Variants in RARRES1 observed in about 807,000 individuals in gnomAD.
The protein encoded by RARRES1 is retinoic acid receptor responder 1.
A neutral mutation model predicts 30.6 loss-of-function variants in RARRES1; 34 were observed. That is an observed-to-expected ratio of 1.11 (90% CI 0.84 to 1.48). RARRES1 has a LOEUF of 1.48. Ranked by LOEUF, RARRES1 falls within the 40% of genes most tolerant of loss-of-function variation. The probability of loss-of-function intolerance (pLI) is 0.00; values close to 1 mark genes in which losing one functional copy is unlikely to be tolerated. For synonymous variants in RARRES1, 153 were observed against 155.5 expected (o/e 0.98, Z 0.12); for missense variants, 373 against 386.5 (o/e 0.97, Z 0.29).
Position 158,732,454 on chromosome 3 carries a change from G to A in RARRES1, c.-39C>T. ...TTGGCTCGGCACCCGACAGACACGG[G>A]CTCGGAGCGGGCAGTGCCGGCGCTC... On this transcript the variant is annotated 5_prime_UTR_variant, in exon 1 of 6. Coordinates refer to ENST00000237696, the MANE Select transcript of RARRES1 (RefSeq NM_206963.2). 3 of 1,517,204 alleles carry A rather than the reference G, an allele frequency of 2.0e-6. No individual in the cohort carries two copies. 94.0% of individuals were successfully genotyped at this position (1,517,204 alleles called of 1,614,324 possible). A position where few individuals can be genotyped will look rare whatever the true frequency, so the allele number is the denominator to read the frequency against.
intron 4 of RARRES1, among the ~76,000 whole-genome samples, chr3:158,702,615 A>G (rs1391914758): frequency 2.0e-5 from 3 of 152,292 alleles, no homozygotes; most frequent in Admixed American, 2.0e-4. Flanking sequence ...CATTTACTAC[A>G]ATTAGTTCTA....
At chr3:158,711,614 T>G (rs932854343) in intron 2 of RARRES1, among the ~76,000 whole-genome samples, 1 of 150,370 alleles carries the variant, frequency 6.7e-6, no homozygotes, top group Admixed American at 6.6e-5. Flanking sequence ...TTTTTTTTTT[T>G]TTTTTTTGAG....
chr3:158,705,045 G>C, intron 3 of RARRES1, 118 bp from the exon 4 acceptor site: 1 of 1,313,596 alleles, frequency 7.6e-7, no homozygotes, highest in Non-Finnish European at 1.0e-6. Context: ...CTCACAGCAA[G>C]ACCTTGAGCC....
rs538468597 is a variant in RARRES1 at position 158,723,336 on chromosome 3, G to C, written c.276+8804C>G. ...AAAGCAAACTTCGTCATTTTATAAG[G>C]TTACTTTTATGAGTCAGGCTTGGTT... On this transcript the variant is annotated intron_variant, in intron 1 of 5. Coordinates refer to ENST00000237696, the MANE Select transcript of RARRES1 (RefSeq NM_206963.2). The surrounding 1 kb of genome is among the most constrained non-coding windows in gnomAD (Gnocchi z 4.4). Among the ~76,000 whole-genome samples the C allele has an allele frequency of 2.6e-5, 4 of 152,262 alleles. No individual in the cohort carries two copies. The highest frequency in any genetic ancestry group is 9.6e-5 in the African/African-American group (4 of 41,534).
At position 158,697,587 on chromosome 3, in the gene RARRES1, G is replaced by T. The variant is rs1726586253; in HGVS notation, c.*91C>A. On this transcript the variant is annotated 3_prime_UTR_variant, in exon 6 of 6. Coordinates refer to ENST00000237696, the MANE Select transcript of RARRES1 (RefSeq NM_206963.2). ...AATCATAGGTTTTCCCAAATTATTA[G>T]AATGTCTATACCTTAGCTGTTTTAC... 6 of 1,307,354 alleles carry T rather than the reference G, an allele frequency of 4.6e-6. No homozygotes were observed. Among genetic ancestry groups the T allele is most frequent in the Non-Finnish European group, 4.2e-6 (4 of 951,728 alleles). 81.0% of individuals were successfully genotyped at this position (1,307,354 alleles called of 1,614,324 possible). A position where few individuals can be genotyped will look rare whatever the true frequency, so the allele number is the denominator to read the frequency against.
chr3:158,730,341 AAGAC>A (rs1385808826), intron 1 of RARRES1, among the ~76,000 whole-genome samples: 12 of 143,506 alleles, frequency 8.4e-5, no homozygotes, highest in Admixed American at 5.5e-4. Context: ...AAAAAAAACA[AAGAC>A]AGGTGACAAG....
chr3:158,705,868 C>T (rs1224447272), intron 3 of RARRES1, among the ~76,000 whole-genome samples: 3 of 152,132 alleles, frequency 2.0e-5, no homozygotes, highest in African/African-American at 7.2e-5. Flanking sequence ...TGGCAAACAT[C>T]TTTCTTAAAA....
intron 2 of RARRES1, 47 bp from the exon 3 acceptor site, chr3:158,710,980 G>C: frequency 6.7e-7 from 1 of 1,491,798 alleles, no homozygotes; most frequent in South Asian, 1.1e-5. Context: ...TCACCCCAGT[G>C]CACACAAGCA....
intron 1 of RARRES1, among the ~76,000 whole-genome samples, chr3:158,722,086 CAA>C (rs571829700): frequency 2.5e-4 from 17 of 68,738 alleles, no homozygotes; most frequent in South Asian, 1.3e-3. Flanking sequence ...GAATGAAACT[CAA>C]AAAAAAAAAA....
Position 158,732,189 on chromosome 3 carries a change from G to A in RARRES1, c.227C>T (p.Ser76Leu), listed in dbSNP as rs938022263. ...GGCCAGCACTCGTAGCGCGCTGGGC[G>A]AGCCGGACCGGAAGTTGAAGAAGTG... Reference protein sequence around the residue: ...ALHFFNFRSGSPSALRVLAEV... With the variant: ...ALHFFNFRSGLPSALRVLAEV... Residue 76 changes from serine to leucine, a missense_variant, in exon 1 of 6, where the codon TCG (serine) becomes TTG (leucine). Physicochemically the swap from Ser to Leu is moderately radical, Grantham distance 145. Transcript: ENST00000237696. 1.4e-6 allele frequency: 2 copies of A among 1,422,108 alleles called. No homozygotes were observed. The highest frequency in any genetic ancestry group is 2.9e-5 in the Admixed American group (1 of 34,274). 88.1% of individuals were successfully genotyped at this position (1,422,108 alleles called of 1,614,324 possible). A position where few individuals can be genotyped will look rare whatever the true frequency, so the allele number is the denominator to read the frequency against.
In RARRES1 at chr3:158,713,973, A is replaced by G. The variant is rs181359521; in HGVS notation, c.277-114T>C. On this transcript the variant is annotated intron_variant, in intron 1 of 5. Coordinates refer to ENST00000237696, the MANE Select transcript of RARRES1 (RefSeq NM_206963.2). Reference sequence around the variant, plus strand: ...TGCAAATGGTGGCTGTAGCATTTATACCTGAATAAAATTGGTGATGGCTTA... The same window carrying G: ...TGCAAATGGTGGCTGTAGCATTTATGCCTGAATAAAATTGGTGATGGCTTA... 117 of 943,488 alleles carry G rather than the reference A, an allele frequency of 1.2e-4. No homozygotes were observed. The African/African-American group carries it at 1.9e-3, about 15-fold the overall frequency. 58.4% of individuals were successfully genotyped at this position (943,488 alleles called of 1,614,324 possible). A position where few individuals can be genotyped will look rare whatever the true frequency, so the allele number is the denominator to read the frequency against.
In RARRES1 at chr3:158,713,323, G is replaced by T. The variant is rs192205250; in HGVS notation, c.339+474C>A. 4.2e-3 allele frequency among the ~76,000 whole-genome samples: 641 copies of T among 152,300 alleles called. 3 individuals are homozygous for T. The highest frequency in any genetic ancestry group is 0.015 in the African/African-American group (610 of 41,564). On this transcript the variant is annotated intron_variant, in intron 2 of 5. Coordinates refer to ENST00000237696, the MANE Select transcript of RARRES1 (RefSeq NM_206963.2). ...CATGGTCCGCTTGGTCAAAGCTGTAGTGAGGCTGATAACGGCTGGAGCACG... is the reference window on the plus strand; with the variant it reads ...CATGGTCCGCTTGGTCAAAGCTGTATTGAGGCTGATAACGGCTGGAGCACG...
Position 158,706,330 on chromosome 3 carries a change from G to C in RARRES1, c.536-1403C>G, listed in dbSNP as rs529110143. On this transcript the variant is annotated intron_variant, in intron 3 of 5. Transcript: ENST00000237696. ...TTCTTTGGGCTTTGGGCTGGAGAGG[G>C]TTAGGGGAAACTTCACAGAGATGAG... Among the ~76,000 whole-genome samples the C allele has an allele frequency of 3.9e-5, 6 of 152,318 alleles. No individual in the cohort carries two copies. The East Asian group carries it at 1.2e-3, about 29-fold the overall frequency.
At chr3:158,698,593 G>C (rs1208618793) in intron 4 of RARRES1, among the ~76,000 whole-genome samples, 1 of 151,826 alleles carries the variant, frequency 6.6e-6, no homozygotes, top group African/African-American at 2.4e-5. Context: ...TAGGCAGGCA[G>C]TTGTCTTCAT....
rs148732150 is a variant in RARRES1, at chr3:158,726,500, C to G, written c.276+5640G>C. ...CCTGATGCTTACCCAAAGCCAGCTG[C>G]TTTGCTCCCAAACTTGCATATATCA... On this transcript the variant is annotated intron_variant, in intron 1 of 5. Coordinates refer to ENST00000237696, the MANE Select transcript of RARRES1 (RefSeq NM_206963.2). 4.5e-3 allele frequency among the ~76,000 whole-genome samples: 680 copies of G among 152,302 alleles called. 4 individuals carry two copies. Among genetic ancestry groups the G allele is most frequent in the African/African-American group, 0.016 (645 of 41,552 alleles).
chr3:158,719,554 G>A (rs1472096924), intron 1 of RARRES1, among the ~76,000 whole-genome samples: 2 of 152,144 alleles, frequency 1.3e-5, no homozygotes, highest in Admixed American at 1.3e-4. Context: ...TTACAGGCTT[G>A]AGCCACTGCA....
At chr3:158,732,084 CCAGCGCCGTGCGCGGACAGG>C (rs1727910498) in intron 1 of RARRES1, 36 bp downstream of exon 1, 9 of 1,293,360 alleles carry the variant, frequency 7.0e-6, no homozygotes, top group Admixed American at 8.4e-5. Flanking sequence ...GTGTCACCTC[CCAGCGCCGTGCGCGGACAGG>C]CAGGCGCGTG....
chr3:158,711,659 G>A (rs1173345823), intron 2 of RARRES1, among the ~76,000 whole-genome samples: 1 of 143,302 alleles, frequency 7.0e-6, no homozygotes, highest in African/African-American at 2.6e-5. Flanking sequence ...GCAATGGCAC[G>A]ATCTCGGCTT....
At chr3:158,718,539 G>T (rs1306919575) in intron 1 of RARRES1, among the ~76,000 whole-genome samples, 1 of 152,242 alleles carries the variant, frequency 6.6e-6, no homozygotes, top group African/African-American at 2.4e-5. Context: ...CCATTGCTGG[G>T]TGGGGTTTGG....
Sources: allele counts gnomAD v4.1 joint callset (sites outside exome capture counted in the v4.1 genomes callset), GRCh38; gene constraint gnomAD v4.1.1; non-coding constraint Gnocchi (gnomAD v3.1); transcripts MANE v1.5; gene names NCBI Gene and HGNC (gene_info 2026-07-23, HGNC 2026-07-21).